ERBB4: variants seen among roughly 807,000 people sequenced by gnomAD.
ERBB4 encodes the protein receptor tyrosine-protein kinase erbB-4.
In ERBB4, 42 loss-of-function variants were observed where a neutral mutation model predicts 158.0. That is an observed-to-expected ratio of 0.27 (90% CI 0.21 to 0.34). ERBB4 has a LOEUF of 0.34. ERBB4 is among the 10% of genes least tolerant of loss of function. ERBB4 has a pLI of 1.00. For synonymous variants in ERBB4, 583 were observed against 558.7 expected, an observed-to-expected ratio of 1.04 and a Z score of -0.61; for missense variants, 1,333 against 1,624.1, an observed-to-expected ratio of 0.82 and a Z score of 3.08.
chr2:211,671,868 T>C (rs1007760514), intron 14 of ERBB4, among the ~76,000 whole-genome samples: 2 of 152,174 alleles, frequency 1.3e-5, no homozygotes, highest in African/African-American at 4.8e-5. Context: ...CTCACACTGT[T>C]AGTTAATTGT....
chr2:212,071,920 G>T (rs1207288423), intron 2 of ERBB4, among the ~76,000 whole-genome samples: 1 of 151,926 alleles, frequency 6.6e-6, no homozygotes, highest in African/African-American at 2.4e-5. Flanking sequence ...CTTGACAGTT[G>T]CTTTTTATCA....
chr2:212,395,223 T>G (rs1466426655), intron 1 of ERBB4, among the ~76,000 whole-genome samples: 1 of 152,112 alleles, frequency 6.6e-6, no homozygotes, highest in East Asian at 1.9e-4. Flanking sequence ...GGTAGAATCC[T>G]CGCATTATTC....
chr2:212,095,934 C>CA (rs746751111), intron 2 of ERBB4, among the ~76,000 whole-genome samples: 156 of 52,604 alleles, frequency 3.0e-3, no homozygotes, highest in East Asian at 0.017. Context: ...GACTCTGTCT[C>CA]AAAAAAAAAA....
At chr2:211,907,585 T>C (rs917643297) in intron 3 of ERBB4, among the ~76,000 whole-genome samples, 31 of 151,666 alleles carry the variant, frequency 2.0e-4, no homozygotes, top group African/African-American at 7.2e-4. Flanking sequence ...GGCCAGACTC[T>C]TTTTTTCTTT....
chr2:212,020,978 T>C (rs748660610), intron 2 of ERBB4, among the ~76,000 whole-genome samples: 1 of 152,174 alleles, frequency 6.6e-6, no homozygotes, highest in Non-Finnish European at 1.5e-5. Flanking sequence ...GAGGTAATCA[T>C]AATGTATTTA....
At chr2:211,973,088 C>T (rs180716514) in intron 2 of ERBB4, among the ~76,000 whole-genome samples, 8 of 151,998 alleles carry the variant, frequency 5.3e-5, no homozygotes, top group African/African-American at 1.7e-4. Context: ...AGAAAACAAA[C>T]GACCCCACAA....
chr2:211,523,834 T>G (rs1405100877), intron 20 of ERBB4, among the ~76,000 whole-genome samples: 3 of 152,096 alleles, frequency 2.0e-5, no homozygotes, highest in African/African-American at 7.2e-5. Flanking sequence ...CAGCCTGCTT[T>G]TATTCTCTTA....
intron 1 of ERBB4, among the ~76,000 whole-genome samples, chr2:212,196,946 G>A (rs951356192): frequency 1.3e-5 from 2 of 152,236 alleles, no homozygotes; most frequent in East Asian, 1.9e-4. Flanking sequence ...CACCCGTGCT[G>A]GGTAGCAACC....
At chr2:211,479,514 A>C (rs1369552454) in intron 20 of ERBB4, among the ~76,000 whole-genome samples, 1 of 152,184 alleles carries the variant, frequency 6.6e-6, no homozygotes, top group Non-Finnish European at 1.5e-5. Flanking sequence ...AATTTTCTAA[A>C]TTATAGATCC....
chr2:211,392,558 C>CCACACACA lies in ERBB4; in HGVS notation c.3136-4574_3136-4567dup, dbSNP rs5838261. Among the ~76,000 whole-genome samples, 1,027 of 140,980 alleles carry CCACACACA rather than the reference C, an allele frequency of 7.3e-3. 3 individuals are homozygous for CCACACACA. The highest frequency in any genetic ancestry group is 0.016 in the African/African-American group (621 of 38,028). 92.5% of individuals were successfully genotyped at this position (140,980 alleles called of 152,430 possible). The stretch of plus-strand genomic sequence containing the variant: ...ACTTTTTTGAAAAAACTCTCTTACT[C>CCACACACA]CACACACACACACACACACACACAC... On this transcript the variant is annotated intron_variant, in intron 25 of 27. Transcript: ENST00000342788.
chr2:212,428,092 T>C (rs962765021), intron 1 of ERBB4, among the ~76,000 whole-genome samples: 21 of 152,162 alleles, frequency 1.4e-4, no homozygotes, highest in Non-Finnish European at 2.9e-5. Context: ...TAAATAAAAC[T>C]GACAAATCAC....
chr2:211,503,623 A>G (rs1481542075), intron 20 of ERBB4, among the ~76,000 whole-genome samples: 1 of 152,160 alleles, frequency 6.6e-6, no homozygotes, highest in Non-Finnish European at 1.5e-5. Flanking sequence ...CGCCTTGGGC[A>G]CAGGTGGCTC....
At chr2:212,200,566 A>G (rs2082560783) in intron 1 of ERBB4, among the ~76,000 whole-genome samples, 1 of 152,128 alleles carries the variant, frequency 6.6e-6, no homozygotes, top group African/African-American at 2.4e-5. Flanking sequence ...TAATTGTAAA[A>G]AGCTTGGAAC....
At chr2:212,420,005 CTA>C (rs1338998683) in intron 1 of ERBB4, among the ~76,000 whole-genome samples, 2 of 151,990 alleles carry the variant, frequency 1.3e-5, no homozygotes, top group Admixed American at 1.3e-4. Flanking sequence ...GTTATAAAAA[CTA>C]TGTTACTGCA....
chr2:211,603,305 G>T (rs1336786105), intron 19 of ERBB4, among the ~76,000 whole-genome samples: 1 of 152,132 alleles, frequency 6.6e-6, no homozygotes, highest in Admixed American at 6.5e-5. Context: ...GTAACTGATA[G>T]ATTTCCTGTA....
chr2:212,332,956 G>C (rs1459948215), intron 1 of ERBB4, among the ~76,000 whole-genome samples: 2 of 151,980 alleles, frequency 1.3e-5, no homozygotes, highest in Non-Finnish European at 2.9e-5. Flanking sequence ...GGGTATAAAA[G>C]AAATGGGTAT....
At chr2:211,829,434 T>C (rs746608699) in intron 3 of ERBB4, among the ~76,000 whole-genome samples, 4 of 152,304 alleles carry the variant, frequency 2.6e-5, no homozygotes, top group Non-Finnish European at 5.9e-5. Flanking sequence ...TGGTTACCGT[T>C]AAGTATCTCA....
intron 1 of ERBB4, among the ~76,000 whole-genome samples, chr2:212,129,725 A>G (rs2080052384): frequency 6.6e-6 from 1 of 151,900 alleles, no homozygotes; most frequent in South Asian, 2.1e-4. Flanking sequence ...GTTTAGAAAT[A>G]TTTTTTGACA....
At position 211,377,040 on chromosome 2, in the gene ERBB4, A is replaced by AAT. The variant is rs769728598; in HGVS notation, c.*6573_*6574dup. 2 of 233,076 alleles carry AAT rather than the reference A, an allele frequency of 8.6e-6. No individual in the cohort carries two copies. Among genetic ancestry groups the AAT allele is most frequent in the East Asian group, 1.2e-4 (2 of 16,556 alleles). 14.4% of individuals were successfully genotyped at this position (233,076 alleles called of 1,614,324 possible). Reference sequence around the variant, plus strand: ...ACACCTTACATATCTACATTTAGAAAATAACTTTCGTAGTTGATTACTGGA... The same window carrying AAT: ...ACACCTTACATATCTACATTTAGAAAATATAACTTTCGTAGTTGATTACTGGA... On this transcript the variant is annotated 3_prime_UTR_variant, in exon 28 of 28. Transcript: ENST00000342788.
Sources: gnomAD v4.1 joint callset for allele counts (sites outside exome capture counted in the v4.1 genomes callset) on GRCh38, gnomAD v4.1.1 for gene constraint, MANE v1.5 for transcripts, NCBI Gene and HGNC (gene_info 2026-07-23, HGNC 2026-07-21) for gene names.